The following STPG2 variants were observed in gnomAD, a reference collection of about 807,000 sequenced individuals.
STPG2 encodes the protein sperm-tail PG-rich repeat-containing protein 2.
In STPG2, 56 loss-of-function variants were observed where a neutral mutation model predicts 54.2. That is an observed-to-expected ratio of 1.03 (90% CI 0.83 to 1.29). STPG2 has a LOEUF of 1.29. Ranked by LOEUF, STPG2 falls within the 50% of genes most tolerant of loss-of-function variation. STPG2 has a pLI of 0.00. For synonymous variants in STPG2, 200 were observed against 181.8 expected, an observed-to-expected ratio of 1.10 and a Z score of -0.81; for missense variants, 596 against 544.9, an observed-to-expected ratio of 1.09 and a Z score of -0.93.
intron 3 of STPG2, among the ~76,000 whole-genome samples, chr4:98,120,124 AGGCTGGAGTACAGT>A (rs1249930644): frequency 1.3e-5 from 2 of 152,106 alleles, no homozygotes; most frequent in Non-Finnish European, 2.9e-5. Context: ...TCTGTCACCC[AGGCTGGAGTACAGT>A]GGCTCAATCT....
chr4:97,799,129 C>T lies in STPG2; in HGVS notation c.1204+41644G>A, dbSNP rs868658697. Among the ~76,000 whole-genome samples the T allele has an allele frequency of 8.8e-5, 12 of 136,076 alleles. 1 individual carries two copies. The highest frequency in any genetic ancestry group is 3.4e-4 in the African/African-American group (12 of 35,364). 89.3% of individuals were successfully genotyped at this position (136,076 alleles called of 152,430 possible). A position where few individuals can be genotyped will look rare whatever the true frequency, so the allele number is the denominator to read the frequency against. On this transcript the variant is annotated intron_variant, in intron 9 of 10. Transcript: ENST00000295268. ...TACAGCACACTGATGGGTCTTGACT[C>T]TTTATCCAGTTTGTCAGTCTGTGTC...
At chr4:98,015,718 A>G (rs770498223) in intron 5 of STPG2, among the ~76,000 whole-genome samples, 62 of 152,216 alleles carry the variant, frequency 4.1e-4, no homozygotes, top group Non-Finnish European at 8.4e-4. Flanking sequence ...TATATACTCA[A>G]AGGATTATAA....
At chr4:97,706,646 C>A (rs1723952781) in intron 10 of STPG2, among the ~76,000 whole-genome samples, 1 of 152,072 alleles carries the variant, frequency 6.6e-6, no homozygotes, top group South Asian at 2.1e-4. Context: ...CAACTTGGGG[C>A]AGGATGAACA....
intron 10 of STPG2, among the ~76,000 whole-genome samples, chr4:97,638,457 C>T (rs1721638987): frequency 6.6e-6 from 1 of 152,090 alleles, no homozygotes; most frequent in Non-Finnish European, 1.5e-5. Flanking sequence ...GTCTAAAACA[C>T]CAAAAGCTAT....
intron 5 of STPG2, among the ~76,000 whole-genome samples, chr4:98,054,268 AC>A (rs1737415916): frequency 6.6e-6 from 1 of 152,150 alleles, no homozygotes; most frequent in Admixed American, 6.5e-5. Context: ...GCAGCAGGGT[AC>A]AAAAAGCACA....
rs145478442 is a variant in STPG2, at chr4:97,927,251, C to T, written c.1044+16646G>A. 4.2e-3 allele frequency among the ~76,000 whole-genome samples: 643 copies of T among 152,130 alleles called. 3 individuals carry two copies. The highest frequency in any genetic ancestry group is 0.024 in the South Asian group (117 of 4,822). On this transcript the variant is annotated intron_variant, in intron 8 of 10. Transcript: ENST00000295268. ...ACTGATAAGTGATACAAAGGTAGCA[C>T]AAATTGTTCACTAAATAATTCTAAG...
chr4:97,934,233 AGTTC>A (rs1432940449), intron 8 of STPG2, among the ~76,000 whole-genome samples: 1 of 152,162 alleles, frequency 6.6e-6, no homozygotes. Context: ...ACTTTGCTGA[AGTTC>A]CTTTCAGCTT....
chr4:97,611,054 GTA>G (rs1733718601), intron 10 of STPG2, among the ~76,000 whole-genome samples: 2 of 151,948 alleles, frequency 1.3e-5, no homozygotes, highest in Non-Finnish European at 2.9e-5. Flanking sequence ...CAGATAAAAT[GTA>G]AACATTTATG....
At chr4:97,933,789 G>A (rs1732640956) in intron 8 of STPG2, among the ~76,000 whole-genome samples, 1 of 152,162 alleles carries the variant, frequency 6.6e-6, no homozygotes, top group African/African-American at 2.4e-5. Context: ...TTTGAAGGCA[G>A]GCAGTGTGAT....
chr4:97,532,166 T>C (rs1731429173), intron 4 of STPG2, among the ~76,000 whole-genome samples: 1 of 152,168 alleles, frequency 6.6e-6, no homozygotes, highest in Non-Finnish European at 1.5e-5. Context: ...AATAGACTTT[T>C]ATGTTATTTT....
intron 8 of STPG2, among the ~76,000 whole-genome samples, chr4:97,916,160 G>A (rs564081249): frequency 3.9e-5 from 6 of 152,220 alleles, no homozygotes; most frequent in Non-Finnish European, 7.4e-5. Flanking sequence ...TCCATGTTTG[G>A]ACAATAAGCT....
intron 8 of STPG2, among the ~76,000 whole-genome samples, chr4:97,844,795 C>A (rs1438908869): frequency 3.5e-4 from 53 of 151,810 alleles, no homozygotes; most frequent in Admixed American, 3.5e-3. Context: ...CCTTCTGGGT[C>A]TTTTATTATC....
intron 10 of STPG2, among the ~76,000 whole-genome samples, chr4:97,575,053 T>C (rs1197739329): frequency 6.6e-6 from 1 of 151,866 alleles, no homozygotes; most frequent in African/African-American, 2.4e-5. Flanking sequence ...AAATTAATTT[T>C]TGGAAACACA....
At chr4:97,443,624 C>T (rs770071514) in intron 4 of STPG2, among the ~76,000 whole-genome samples, 1 of 152,096 alleles carries the variant, frequency 6.6e-6, no homozygotes, top group African/African-American at 2.4e-5. Flanking sequence ...TACATCAACT[C>T]TTAACAAAAA....
chr4:97,950,440 G>C (rs1733422419), intron 7 of STPG2, among the ~76,000 whole-genome samples: 1 of 152,076 alleles, frequency 6.6e-6, no homozygotes, highest in Non-Finnish European at 1.5e-5. Context: ...TTCATTTCCA[G>C]AAGTTCTGAT....
chr4:97,924,530 T>C (rs1438445385), intron 8 of STPG2, among the ~76,000 whole-genome samples: 1 of 152,210 alleles, frequency 6.6e-6, no homozygotes, highest in African/African-American at 2.4e-5. Flanking sequence ...CTCATATTTC[T>C]ACATGTAAAT....
intron 8 of STPG2, among the ~76,000 whole-genome samples, chr4:97,905,053 T>C (rs1034037938): frequency 2.0e-5 from 3 of 151,932 alleles, no homozygotes; most frequent in Non-Finnish European, 2.9e-5. Flanking sequence ...TCCAGGAGAA[T>C]TTCCCCAATC....
At chr4:97,545,147 G>T (rs976818855) in intron 4 of STPG2, among the ~76,000 whole-genome samples, 6 of 152,096 alleles carry the variant, frequency 3.9e-5, no homozygotes, top group African/African-American at 1.4e-4. Flanking sequence ...GAGAAGTAAA[G>T]CTTGGACAAC....
At chr4:97,922,135 C>T (rs1462947057) in intron 8 of STPG2, among the ~76,000 whole-genome samples, 2 of 152,026 alleles carry the variant, frequency 1.3e-5, no homozygotes, top group African/African-American at 4.8e-5. Flanking sequence ...AGGTCATATA[C>T]TTAAAAATTG....
Sources: allele counts gnomAD v4.1 joint callset (sites outside exome capture counted in the v4.1 genomes callset), GRCh38; gene constraint gnomAD v4.1.1; transcripts MANE v1.5; gene names NCBI Gene and HGNC (gene_info 2026-07-23, HGNC 2026-07-21).